The following SHPRH variants were observed in gnomAD, a reference collection of about 807,000 sequenced individuals.
The protein encoded by SHPRH is E3 ubiquitin-protein ligase SHPRH.
In SHPRH, 106 loss-of-function variants were observed where a neutral mutation model predicts 202.5. That is an observed-to-expected ratio of 0.52 (90% CI 0.45 to 0.62). The LOEUF (loss-of-function observed/expected upper bound fraction) is 0.62, where lower values mean the gene tolerates loss of function less well. Ranked by LOEUF, SHPRH falls within the 20% of genes least tolerant of loss-of-function variation. The probability of loss-of-function intolerance (pLI) is 0.00; values close to 1 mark genes in which losing one functional copy is unlikely to be tolerated. For missense variants in SHPRH, 1,710 were observed against 2,020.0 expected (o/e 0.85, Z 2.94); for synonymous variants, 729 against 686.0 (o/e 1.06, Z -0.98).
At chr6:145,884,163 GTAT>G (rs1435609793), downstream of SHPRH, 7 of 138,532 alleles carry the variant, frequency 5.1e-5, no homozygotes, top group African/African-American at 1.8e-4. Context: ...TATTTGTAAA[GTAT>G]TAGTAGTTGC....
At position 145,935,387 on chromosome 6, in the gene SHPRH, C is replaced by G; in HGVS notation, c.2624G>C (p.Trp875Ser). 2.5e-6 allele frequency: 4 copies of G among 1,613,956 alleles called. No individual in the cohort carries two copies. The highest frequency in any genetic ancestry group is 3.4e-6 in the Non-Finnish European group (4 of 1,179,986). ...LGIEPYCVKHWWVRLLYRPYC... is the reference protein window; with the variant it reads ...LGIEPYCVKHSWVRLLYRPYC... ...AGGCCGATAGAGAAGTCGAACCCAC[C>G]AGTGTTTGACACAGTAAGGTTCAAT... The change falls in exon 12 of 30, where the codon TGG becomes TCG. Residue 875 changes from tryptophan to serine, a missense_variant. Trp to Ser is a radical substitution (Grantham distance 177). Transcript: ENST00000275233.
At chr6:145,949,185 T>A (rs1489932350) in intron 4 of SHPRH, among the ~76,000 whole-genome samples, 1 of 152,030 alleles carries the variant, frequency 6.6e-6, no homozygotes, top group Non-Finnish European at 1.5e-5. Flanking sequence ...AGTAGATCTA[T>A]CATTCACTCC....
intron 24 of SHPRH, 52 bp from the exon 25 acceptor site, chr6:145,910,688 T>C (rs1025742132): frequency 1.4e-6 from 2 of 1,441,056 alleles, no homozygotes; most frequent in Non-Finnish European, 1.8e-6. Context: ...CCTTACAATT[T>C]ATAAGCATAT....
intron 14 of SHPRH, 148 bp downstream of exon 14, chr6:145,932,909 G>T: frequency 1.2e-6 from 1 of 845,786 alleles, no homozygotes; most frequent in Non-Finnish European, 1.7e-6. Context: ...ATATTAAGTT[G>T]AACCTATTTA....
At chr6:145,935,531 T>C (rs950500424) in intron 11 of SHPRH, 90 bp from the exon 12 acceptor site, 18 of 1,250,860 alleles carry the variant, frequency 1.4e-5, no homozygotes, top group Admixed American at 4.8e-5. Context: ...ACACAGCACA[T>C]AGAACTTTCC....
rs745516242 is a variant in SHPRH at position 145,954,722 on chromosome 6, A to C, written c.601T>G (p.Tyr201Asp). Residue 201 changes from tyrosine to aspartate, a missense_variant, in exon 2 of 30, where the codon TAT becomes GAT. Tyr to Asp is a radical substitution (Grantham distance 160). Coordinates refer to ENST00000275233, the MANE Select transcript of SHPRH (RefSeq NM_001042683.3). ...WLQKKRRIKL[Y>D]QKPEGNHIIK... ...ATGTGATTTCCTTCTGGTTTCTGATAGAGTTTTATTCTTCTCTTCTTTTGT... is the reference window on the plus strand; with the variant it reads ...ATGTGATTTCCTTCTGGTTTCTGATCGAGTTTTATTCTTCTCTTCTTTTGT... 3 of 1,593,290 alleles carry C rather than the reference A, an allele frequency of 1.9e-6. No individual in the cohort carries two copies. Among genetic ancestry groups the C allele is most frequent in the Non-Finnish European group, 2.6e-6 (3 of 1,174,524 alleles).
At chr6:145,949,967 T>C (rs913868791) in intron 4 of SHPRH, among the ~76,000 whole-genome samples, 1 of 152,096 alleles carries the variant, frequency 6.6e-6, no homozygotes, top group African/African-American at 2.4e-5. Flanking sequence ...TAAAGAGCAA[T>C]TCTTTGTTTG....
At chr6:145,933,442 G>T (rs1785689619) in intron 13 of SHPRH, among the ~76,000 whole-genome samples, 1 of 152,088 alleles carries the variant, frequency 6.6e-6, no homozygotes, top group African/African-American at 2.4e-5. Context: ...AGTACAGCAT[G>T]ACATATTTGA....
At chr6:145,957,119 C>T (rs555687504) in intron 1 of SHPRH, among the ~76,000 whole-genome samples, 90 of 152,158 alleles carry the variant, frequency 5.9e-4, no homozygotes, top group African/African-American at 2.0e-3. Flanking sequence ...AGTTCAGAGG[C>T]AGTCAATGGG....
At chr6:145,894,319 T>G in intron 26 of SHPRH, 83 bp from the exon 27 acceptor site, 2 of 1,046,236 alleles carry the variant, frequency 1.9e-6, no homozygotes, top group Non-Finnish European at 2.6e-6. Flanking sequence ...TAAATCAAAA[T>G]GACTTTTATA....
At chr6:145,882,009 T>C (rs898235196), downstream of SHPRH, among the ~76,000 whole-genome samples, 1 of 150,438 alleles carries the variant, frequency 6.6e-6, no homozygotes, top group Non-Finnish European at 1.5e-5. Context: ...GGTGAGGAGA[T>C]CACCTCAGCC....
chr6:145,941,966 T>A, intron 9 of SHPRH, 92 bp from the exon 10 acceptor site: 1 of 1,464,252 alleles, frequency 6.8e-7, no homozygotes, highest in Non-Finnish European at 9.2e-7. Flanking sequence ...AAGTCCTCTC[T>A]ATTTTCTTAG....
In SHPRH at chr6:145,884,971, T is replaced by A. The variant is rs1780873436; in HGVS notation, c.*1720A>T. 1 of 152,136 alleles carries A rather than the reference T, an allele frequency of 6.6e-6. No individual in the cohort carries two copies. Among genetic ancestry groups the A allele is most frequent in the African/African-American group, 2.4e-5 (1 of 41,450 alleles). 9.4% of individuals were successfully genotyped at this position (152,136 alleles called of 1,614,324 possible). A position where few individuals can be genotyped will look rare whatever the true frequency, so the allele number is the denominator to read the frequency against. Reference sequence around the variant, plus strand: ...TAAAACATAGCTCAGAAAGGAATAGTAGAAAACAAACACAAAGAAATACTG... The same window carrying A: ...TAAAACATAGCTCAGAAAGGAATAGAAGAAAACAAACACAAAGAAATACTG... On this transcript the variant is annotated 3_prime_UTR_variant, in exon 30 of 30. Transcript: ENST00000275233.
chr6:145,887,962 A>G, intron 29 of SHPRH, 58 bp downstream of exon 29: 1 of 1,325,512 alleles, frequency 7.5e-7, no homozygotes, highest in Non-Finnish European at 1.1e-6. Flanking sequence ...AGTTCTAAAG[A>G]TACAAACTTT....
chr6:145,859,728 T>G (rs1429070787), downstream of SHPRH, among the ~76,000 whole-genome samples: 2 of 152,012 alleles, frequency 1.3e-5, no homozygotes, highest in Non-Finnish European at 2.9e-5. Context: ...TGTAAAAAGT[T>G]GTGAAGCTGT....
intron 2 of SHPRH, among the ~76,000 whole-genome samples, chr6:145,867,645 G>T (rs1189885576): frequency 1.7e-3 from 213 of 125,718 alleles, no homozygotes; most frequent in African/African-American, 4.7e-3. Flanking sequence ...GAGAGAGAGA[G>T]AGAGAGAGAG....
At chr6:145,883,579 T>C (rs1028992133), downstream of SHPRH, 2 of 152,234 alleles carry the variant, frequency 1.3e-5, no homozygotes, top group African/African-American at 4.8e-5. Flanking sequence ...TTCCATGTGA[T>C]AAGCATTCAT....
intron 14 of SHPRH, 85 bp downstream of exon 14, chr6:145,932,972 C>A (rs1397685809): frequency 6.8e-7 from 1 of 1,468,122 alleles, no homozygotes; most frequent in Non-Finnish European, 9.2e-7. Context: ...AATCCCCCCC[C>A]CAAAAATCAA....
At position 145,886,606 on chromosome 6, in the gene SHPRH, C is replaced by T. The variant is rs1276103543; in HGVS notation, c.*85G>A. 19 of 1,565,626 alleles carry T rather than the reference C, an allele frequency of 1.2e-5. No individual in the cohort carries two copies. Among genetic ancestry groups the T allele is most frequent in the Non-Finnish European group, 1.6e-5 (19 of 1,157,462 alleles). ...CTAGGAACAGTGTTACTGTTATCTA[C>T]TGGGTTTTTAAAACTTGTAACTTTG... On this transcript the variant is annotated 3_prime_UTR_variant, in exon 30 of 30. Transcript: ENST00000275233.
Sources: gnomAD v4.1 joint callset for allele counts (sites outside exome capture counted in the v4.1 genomes callset) on GRCh38, gnomAD v4.1.1 for gene constraint, MANE v1.5 for transcripts, NCBI Gene and HGNC (gene_info 2026-07-23, HGNC 2026-07-21) for gene names.